The following CXorf38 variants were observed in gnomAD, a reference collection of about 807,000 sequenced individuals.
CXorf38 encodes uncharacterized protein CXorf38.
In CXorf38, 13 loss-of-function variants were observed where a neutral mutation model predicts 27.5. The observed-to-expected ratio is 0.47, with a 90% CI of 0.31 to 0.75. The LOEUF (loss-of-function observed/expected upper bound fraction) is 0.75. Ranked by LOEUF, CXorf38 falls within the 30% of genes least tolerant of loss-of-function variation. The pLI, the probability that CXorf38 is intolerant of heterozygous loss-of-function variation, is 0.05. For missense variants in CXorf38, 240 were observed against 253.2 expected (o/e 0.95, Z 0.35); for synonymous variants, 100 against 99.8 (o/e 1.00, Z -0.01).
rs140651589 is a variant in CXorf38, at chrX:40,632,817, G to A, written c.802-2044C>T. On this transcript the variant is annotated intron_variant, in intron 5 of 6. Coordinates refer to ENST00000327877, the MANE Select transcript of CXorf38 (RefSeq NM_144970.3). ...TTTAGGTATACAAATTAAGGATGAT[G>A]ATAACAACACCACCTAGGATTCTTA... 3.6e-3 allele frequency among the ~76,000 whole-genome samples: 405 copies of A among 111,749 alleles called. 4 individuals carry two copies. The highest frequency in any genetic ancestry group is 0.013 in the African/African-American group (390 of 30,761).
Position 40,647,395 on chromosome X carries a change from G to A in CXorf38, c.126C>T (p.Ser42=). The A allele has an allele frequency of 1.7e-6, 2 of 1,185,040 alleles. No homozygotes were observed. The highest frequency in any genetic ancestry group is 1.8e-5 in the South Asian group (1 of 54,568). ...CTGCGGCGAGTAGGCCGCGGTGGAA[G>A]GAGAGCACCTCGCGGCCGACGAAAC... The part of the protein sequence containing the change: ...LQGFVGREVL[S]FHRGLLAAAP... The change falls in exon 1 of 7, where the codon TCC becomes TCT. Residue 42 remains serine (S), a synonymous_variant. Coordinates refer to ENST00000327877, the MANE Select transcript of CXorf38 (RefSeq NM_144970.3).
intron 5 of CXorf38, among the ~76,000 whole-genome samples, chrX:40,632,119 T>G (rs997066080): frequency 2.7e-5 from 3 of 111,946 alleles, no homozygotes; most frequent in African/African-American, 9.7e-5. Context: ...TCGTTAGCTC[T>G]CAGTGACCGT....
chrX:40,642,640 G>A (rs903212091), intron 2 of CXorf38, among the ~76,000 whole-genome samples: 7 of 112,171 alleles, frequency 6.2e-5, no homozygotes, highest in African/African-American at 2.3e-4. Context: ...GGAGTTGGTT[G>A]AAGAGGAAGT....
At chrX:40,633,665 C>T (rs764768154) in intron 5 of CXorf38, among the ~76,000 whole-genome samples, 1 of 111,989 alleles carries the variant, frequency 8.9e-6, no homozygotes, top group South Asian at 3.7e-4. Context: ...TCTATCCTTT[C>T]CCCAATGGCC....
intron 2 of CXorf38, among the ~76,000 whole-genome samples, chrX:40,642,545 A>T (rs766729503): frequency 8.9e-6 from 1 of 112,100 alleles, no homozygotes; most frequent in South Asian, 3.7e-4. Context: ...GGGTTTCAAG[A>T]GCAGCCAGTA....
intron 3 of CXorf38, among the ~76,000 whole-genome samples, chrX:40,638,715 A>G (rs1235833414): frequency 8.9e-6 from 1 of 112,309 alleles, no homozygotes; most frequent in Admixed American, 9.4e-5. Flanking sequence ...CATCTACTTC[A>G]GTGGCAAACG....
intron 3 of CXorf38, among the ~76,000 whole-genome samples, chrX:40,637,431 G>A (rs1018185105): frequency 1.8e-5 from 2 of 111,087 alleles, no homozygotes; most frequent in Non-Finnish European, 3.8e-5. Context: ...AGAAGTGAAG[G>A]TCTCCTTTTG....
At position 40,630,689 on chromosome X, in the gene CXorf38, G is replaced by C. The variant is rs1927734695; in HGVS notation, c.886C>G (p.Leu296Val). The change falls in exon 6 of 7, where the codon CTA becomes GTA. Residue 296 changes from leucine (L) to valine (V), a missense_variant. Coordinates refer to ENST00000327877, the MANE Select transcript of CXorf38 (RefSeq NM_144970.3). The stretch of plus-strand genomic sequence containing the variant: ...TTTTGATGTAGACAGAGGCTGTCTA[G>C]CTTCTGCATATCTTCTGTAAGGCCA... ...RNGLTEDMQK[L>V]DSLCLHQKLD... is the part of the protein sequence containing the mutation. The C allele has an allele frequency of 9.9e-6, 12 of 1,208,028 alleles. No individual in the cohort carries two copies. The highest frequency in any genetic ancestry group is 1.3e-5 in the Non-Finnish European group (12 of 892,263).
At chrX:40,640,308 A>G (rs1299814005) in intron 2 of CXorf38, 1 of 262,829 alleles carries the variant, frequency 3.8e-6, no homozygotes, top group East Asian at 1.2e-4. Context: ...AGTCTGGATA[A>G]CAGATCAAGA....
intron 6 of CXorf38, 178 bp downstream of exon 6, chrX:40,630,436 G>C (rs1051088094): frequency 7.6e-6 from 3 of 396,047 alleles, no homozygotes; most frequent in East Asian, 4.1e-5. Flanking sequence ...CTTCACAGAC[G>C]TAAGAATCAT....
intron 2 of CXorf38, among the ~76,000 whole-genome samples, chrX:40,643,484 T>C (rs1045378889): frequency 7.2e-5 from 8 of 111,188 alleles, no homozygotes; most frequent in African/African-American, 2.6e-4. Flanking sequence ...GATCTGCCTA[T>C]TCTGGATATT....
chrX:40,646,537 C>T (rs1193059986), intron 2 of CXorf38, among the ~76,000 whole-genome samples: 1 of 111,773 alleles, frequency 8.9e-6, no homozygotes, highest in Non-Finnish European at 1.9e-5. Flanking sequence ...ACCCCATTCC[C>T]AGCTACCCAA....
intron 2 of CXorf38, chrX:40,640,257 A>T (rs1440246980): frequency 3.1e-6 from 1 of 321,173 alleles, no homozygotes; most frequent in Admixed American, 3.2e-5. Context: ...TGAGCCCAGG[A>T]GTTCAAGGTT....
At chrX:40,632,807 TA>T (rs897394673) in intron 5 of CXorf38, among the ~76,000 whole-genome samples, 2 of 111,633 alleles carry the variant, frequency 1.8e-5, no homozygotes, top group African/African-American at 6.5e-5. Flanking sequence ...GTATACAAAT[TA>T]AGGATGATGA....
At chrX:40,640,270 A>T (rs1249297120) in intron 2 of CXorf38, 2 of 317,407 alleles carry the variant, frequency 6.3e-6, no homozygotes, top group Non-Finnish European at 1.2e-5. Context: ...TCAAGGTTGC[A>T]ATAAGCTCTG....
chrX:40,634,367 C>T (rs1286615470), intron 5 of CXorf38, among the ~76,000 whole-genome samples: 1 of 111,891 alleles, frequency 8.9e-6, no homozygotes, highest in Non-Finnish European at 1.9e-5. Flanking sequence ...CACTGCACCT[C>T]GCCTTCACCC....
rs751106486 is a variant in CXorf38, at chrX:40,644,639, A to G, written c.351+2368T>C. On this transcript the variant is annotated intron_variant, in intron 2 of 6. Transcript: ENST00000327877. ...TAAAGTACATAGGAGAATGTATGTAAGTAATATGCAAATACCACATACATC... is the reference window on the plus strand; with the variant it reads ...TAAAGTACATAGGAGAATGTATGTAGGTAATATGCAAATACCACATACATC... Among the ~76,000 whole-genome samples the G allele has an allele frequency of 1.7e-4, 19 of 112,707 alleles. 1 individual carries two copies. The South Asian group carries it at 6.5e-3, about 39-fold the overall frequency.
At position 40,645,731 on chromosome X, in the gene CXorf38, C is replaced by T. The variant is rs759085128; in HGVS notation, c.351+1276G>A. On this transcript the variant is annotated intron_variant, in intron 2 of 6. Coordinates refer to ENST00000327877, the MANE Select transcript of CXorf38 (RefSeq NM_144970.3). Reference sequence around the variant, plus strand: ...TCCCAGGCTCCAGTGATCCTCTCACCTCAGCCTCCTGAGTAGCTGGGACTA... The same window carrying T: ...TCCCAGGCTCCAGTGATCCTCTCACTTCAGCCTCCTGAGTAGCTGGGACTA... 9.0e-5 allele frequency among the ~76,000 whole-genome samples: 10 copies of T among 111,096 alleles called. No individual in the cohort carries two copies. The South Asian group carries it at 3.8e-3, about 43-fold the overall frequency.
chrX:40,637,694 T>C (rs1472666059), intron 3 of CXorf38, among the ~76,000 whole-genome samples: 1 of 112,324 alleles, frequency 8.9e-6, no homozygotes, highest in Non-Finnish European at 1.9e-5. Flanking sequence ...TAAAAAATCA[T>C]GCAGGACAAA....
Sources: allele counts gnomAD v4.1 joint callset (sites outside exome capture counted in the v4.1 genomes callset), GRCh38; gene constraint gnomAD v4.1.1; transcripts MANE v1.5; gene names NCBI Gene and HGNC (gene_info 2026-07-23, HGNC 2026-07-21).